The following KALRN variants were observed in gnomAD, a reference collection of about 807,000 sequenced individuals.
The protein encoded by KALRN is kalirin RhoGEF kinase, also known as kalirin.
Under a neutral mutation model 353.7 loss-of-function variants are expected in KALRN, and 70 were observed. That is an observed-to-expected ratio of 0.20 (90% CI 0.16 to 0.24). The LOEUF (loss-of-function observed/expected upper bound fraction) is 0.24, where lower values mean the gene tolerates loss of function less well. Among genes scored for constraint, KALRN ranks in the 10% least tolerant of loss-of-function variants. The probability of loss-of-function intolerance (pLI) is 1.00; values close to 1 mark genes in which losing one functional copy is unlikely to be tolerated. For synonymous variants in KALRN, 1,391 were observed against 1,434.8 expected, an observed-to-expected ratio of 0.97 and a Z score of 0.69; for missense variants, 2,791 against 3,756.7, an observed-to-expected ratio of 0.74 and a Z score of 6.72.
At chr3:124,565,427 T>A (rs906602903) in intron 34 of KALRN, among the ~76,000 whole-genome samples, 5 of 152,046 alleles carry the variant, frequency 3.3e-5, no homozygotes, top group African/African-American at 1.2e-4. Context: ...ATTGTGAGGG[T>A]AAAATGAGGT....
chr3:124,264,251 A>G (rs761184783), intron 3 of KALRN, among the ~76,000 whole-genome samples: 4 of 152,066 alleles, frequency 2.6e-5, no homozygotes, highest in Admixed American at 1.3e-4. Flanking sequence ...CAACCTGCGT[A>G]AGAAAGGCCA....
chr3:124,392,042 CTTTT>C (rs955044763), intron 11 of KALRN, among the ~76,000 whole-genome samples: 10 of 151,840 alleles, frequency 6.6e-5, no homozygotes, highest in African/African-American at 2.4e-4. Context: ...ACAAAAATAT[CTTTT>C]TTTTCCTTTT....
chr3:124,371,105 T>A (rs575523394), intron 10 of KALRN, among the ~76,000 whole-genome samples: 1 of 152,382 alleles, frequency 6.6e-6, no homozygotes, highest in African/African-American at 2.4e-5. Context: ...TTTAGCAGAA[T>A]TCATGTTGCT....
chr3:124,289,749 C>T (rs2076265386), intron 5 of KALRN, among the ~76,000 whole-genome samples: 1 of 152,160 alleles, frequency 6.6e-6, no homozygotes, highest in Admixed American at 6.5e-5. Flanking sequence ...TATTTGGCTT[C>T]TTAATACTGA....
At chr3:124,372,622 T>C (rs1039085989) in intron 10 of KALRN, among the ~76,000 whole-genome samples, 1 of 151,868 alleles carries the variant, frequency 6.6e-6, no homozygotes, top group African/African-American at 2.4e-5. Context: ...TTTATTTTTT[T>C]ATTTATTATT....
intron 13 of KALRN, among the ~76,000 whole-genome samples, chr3:124,404,335 C>G (rs1180282298): frequency 6.6e-6 from 1 of 151,980 alleles, no homozygotes. Context: ...AGTGTCAGCC[C>G]TCTATGGTAT....
intron 24 of KALRN, 54 bp downstream of exon 24, chr3:124,462,010 C>T: frequency 3.0e-6 from 4 of 1,320,360 alleles, no homozygotes; most frequent in South Asian, 1.2e-5. Flanking sequence ...ACATCCTTGC[C>T]AGCATCAAGT....
At chr3:124,147,026 A>G (rs2067458973) in intron 1 of KALRN, among the ~76,000 whole-genome samples, 1 of 152,110 alleles carries the variant, frequency 6.6e-6, no homozygotes, top group Admixed American at 6.6e-5. Flanking sequence ...TGCTTTATAT[A>G]AATTATTTTA....
rs184463395 is a variant in KALRN, at chr3:124,442,043, C to T, written c.3297C>T (p.Pro1099=). The change falls in exon 19 of 60, where the codon CCC becomes CCT. Residue 1099 remains proline (P), a synonymous_variant. Coordinates refer to ENST00000682506, the MANE Select transcript of KALRN (RefSeq NM_001388419.1). ...MPSVASHTRG[P]EQQVKAILSE... Reference sequence around the variant, plus strand: ...GTGTCGCCAGCCACACTCGGGGACCCGAGCAACAAGTGAAAGGTCAGTGAG... The same window carrying T: ...GTGTCGCCAGCCACACTCGGGGACCTGAGCAACAAGTGAAAGGTCAGTGAG... The T allele has an allele frequency of 8.2e-5, 131 of 1,599,692 alleles. No homozygotes were observed. In the East Asian group the frequency reaches 2.5e-3, roughly 30 times the overall value.
chr3:124,277,062 C>T (rs867761693), intron 5 of KALRN, among the ~76,000 whole-genome samples: 7 of 152,310 alleles, frequency 4.6e-5, no homozygotes, highest in South Asian at 4.1e-4. Flanking sequence ...GGAACCTAGG[C>T]GGTGGCTAAA....
At chr3:124,208,039 C>T (rs900602044) in intron 1 of KALRN, among the ~76,000 whole-genome samples, 5 of 152,140 alleles carry the variant, frequency 3.3e-5, no homozygotes, top group South Asian at 4.2e-4. Context: ...ACGCTTTCCC[C>T]CCCAGTTCAG....
chr3:124,123,406 A>G (rs1047053951), intron 1 of KALRN, among the ~76,000 whole-genome samples: 3 of 152,204 alleles, frequency 2.0e-5, no homozygotes, highest in African/African-American at 7.2e-5. Flanking sequence ...CTTTAAACCA[A>G]AGCCTAATCC....
At chr3:124,645,742 G>A (rs536970440) in intron 37 of KALRN, among the ~76,000 whole-genome samples, 5 of 151,294 alleles carry the variant, frequency 3.3e-5, no homozygotes, top group African/African-American at 1.2e-4. Context: ...GCATACTATT[G>A]TAAATAATAC....
intron 5 of KALRN, among the ~76,000 whole-genome samples, chr3:124,278,717 C>T (rs1317244278): frequency 6.6e-6 from 1 of 152,102 alleles, no homozygotes; most frequent in Non-Finnish European, 1.5e-5. Flanking sequence ...AATGCCCCAT[C>T]ACTGGGCAAA....
intron 1 of KALRN, among the ~76,000 whole-genome samples, chr3:124,043,565 A>T (rs970648952): frequency 1.3e-5 from 2 of 152,082 alleles, no homozygotes; most frequent in African/African-American, 4.8e-5. Context: ...GGAAGGACCA[A>T]TGGGCACAAT....
intron 16 of KALRN, among the ~76,000 whole-genome samples, chr3:124,433,873 C>A (rs1333027781): frequency 6.6e-6 from 1 of 152,156 alleles, no homozygotes; most frequent in Non-Finnish European, 1.5e-5. Flanking sequence ...CATGAAGTTT[C>A]TTTTCATGTG....
At chr3:124,671,993 G>A (rs182415056) in intron 48 of KALRN, 95 bp downstream of exon 48, 397 of 949,756 alleles carry the variant, frequency 4.2e-4, no homozygotes, top group Non-Finnish European at 3.3e-4. Context: ...CTGTCATCCA[G>A]GCTGGAGTGC....
intron 7 of KALRN, among the ~76,000 whole-genome samples, chr3:124,326,399 CA>C (rs2079917237): frequency 6.6e-6 from 1 of 152,176 alleles, no homozygotes; most frequent in Non-Finnish European, 1.5e-5. Context: ...GCTTGTCATA[CA>C]AACAAGAGGG....
intron 6 of KALRN, among the ~76,000 whole-genome samples, chr3:124,320,869 G>A (rs2079263016): frequency 6.6e-6 from 1 of 152,180 alleles, no homozygotes; most frequent in Admixed American, 6.5e-5. Context: ...GTGGCATGTG[G>A]GGCATAGCCT....
Sources: gnomAD v4.1 joint callset for allele counts (sites outside exome capture counted in the v4.1 genomes callset) on GRCh38, gnomAD v4.1.1 for gene constraint, MANE v1.5 for transcripts, NCBI Gene and HGNC (gene_info 2026-07-23, HGNC 2026-07-21) for gene names.